The following ZNF727 variants were observed in gnomAD, a reference collection of about 807,000 sequenced individuals.
The protein encoded by ZNF727 is zinc finger protein 727.
ZNF727 carries 11 observed loss-of-function variants against 11.5 expected under a neutral mutation model. The observed-to-expected ratio is 0.95, with a 90% CI of 0.60 to 1.58. The LOEUF (loss-of-function observed/expected upper bound fraction) is 1.58, where lower values mean the gene tolerates loss of function less well. ZNF727 is among the 40% of genes most tolerant of loss of function. ZNF727 has a pLI of 0.00. For missense variants in ZNF727, 533 were observed against 581.7 expected, an observed-to-expected ratio of 0.92 and a Z score of 0.86; for synonymous variants, 171 against 196.1, an observed-to-expected ratio of 0.87 and a Z score of 1.07.
intron 1 of ZNF727, among the ~76,000 whole-genome samples, chr7:64,060,632 T>G (rs560007102): frequency 6.6e-6 from 1 of 152,332 alleles, no homozygotes; most frequent in South Asian, 2.1e-4. Flanking sequence ...TTTTGTAAAT[T>G]TTGTTTATCT....
chr7:64,083,762 C>T lies in ZNF727; in HGVS notation c.*5213C>T, dbSNP rs1419853786. 6.6e-6 allele frequency among the ~76,000 whole-genome samples: 1 copy of T among 152,066 alleles called. No individual in the cohort carries two copies. The highest frequency in any genetic ancestry group is 1.5e-5 in the Non-Finnish European group (1 of 68,014). On this transcript the variant is annotated 3_prime_UTR_variant, in exon 4 of 4. Transcript: ENST00000456806. ...TTGGCTCCATGTTGTTCCCTGGTGG[C>T]CCATTGTCCTGCCTTGCTTTACTCC...
At chr7:64,048,584 T>G (rs1789544782) in intron 1 of ZNF727, among the ~76,000 whole-genome samples, 2 of 152,226 alleles carry the variant, frequency 1.3e-5, no homozygotes, top group Non-Finnish European at 2.9e-5. Context: ...AATATTTATG[T>G]GTACACAATA....
intron 3 of ZNF727, among the ~76,000 whole-genome samples, chr7:64,076,162 A>G (rs1785653652): frequency 6.6e-6 from 1 of 152,158 alleles, no homozygotes; most frequent in African/African-American, 2.4e-5. Flanking sequence ...CAATATTCGG[A>G]CAGAAGTCAG....
In ZNF727 at chr7:64,074,623, A is replaced by G. The variant is rs145336494; in HGVS notation, c.227-2653A>G. On this transcript the variant is annotated intron_variant, in intron 3 of 3. Coordinates refer to ENST00000456806, the MANE Select transcript of ZNF727 (RefSeq NM_001159522.3). ...CTGCTTTATAATTTCCAGTCAACTG[A>G]TCATACAGAAAATGAAAGTGATAAC... 4.6e-3 allele frequency among the ~76,000 whole-genome samples: 702 copies of G among 152,298 alleles called. 5 individuals are homozygous for G. Among genetic ancestry groups the G allele is most frequent in the African/African-American group, 0.016 (674 of 41,582 alleles).
rs774882156 is a variant in ZNF727 at position 64,078,751 on chromosome 7, A to C, written c.*202A>C. On this transcript the variant is annotated 3_prime_UTR_variant, in exon 4 of 4. Coordinates refer to ENST00000456806, the MANE Select transcript of ZNF727 (RefSeq NM_001159522.3). The stretch of plus-strand genomic sequence containing the variant: ...GAAGAGAGACCTTACAAATGTGAAG[A>C]ATGCGGCAAAACCTGTGTTTCTCAG... 6.6e-6 allele frequency among the ~76,000 whole-genome samples: 1 copy of C among 152,154 alleles called. No homozygotes were observed. Among genetic ancestry groups the C allele is most frequent in the Non-Finnish European group, 1.5e-5 (1 of 67,980 alleles).
rs747964468 is a variant in ZNF727, at chr7:64,045,607, T to C, written c.-15T>C. ...GATCCATAGGGAAGAAGGCGGAACA[T>C]CCGGAGGCTGGGAAATGGTGAGTGC... On this transcript the variant is annotated 5_prime_UTR_variant, in exon 1 of 4. Coordinates refer to ENST00000456806, the MANE Select transcript of ZNF727 (RefSeq NM_001159522.3). 6 of 1,557,078 alleles carry C rather than the reference T, an allele frequency of 3.9e-6. No homozygotes were observed. The highest frequency in any genetic ancestry group is 5.2e-6 in the Non-Finnish European group (6 of 1,150,088).
chr7:64,076,914 T>G (rs565305115), intron 3 of ZNF727, among the ~76,000 whole-genome samples: 1 of 152,310 alleles, frequency 6.6e-6, no homozygotes, highest in East Asian at 1.9e-4. Context: ...CATGAACACA[T>G]GTACCACTGT....
intron 1 of ZNF727, among the ~76,000 whole-genome samples, chr7:64,062,118 A>C (rs1789781235): frequency 6.6e-6 from 1 of 152,252 alleles, no homozygotes; most frequent in South Asian, 2.1e-4. Context: ...AAGTAGAAAT[A>C]TAAGAGTTAT....
Position 64,083,338 on chromosome 7 carries a change from C to T in ZNF727, c.*4789C>T, listed in dbSNP as rs140373189. Reference sequence around the variant, plus strand: ...TGGTAGCTCCATCCCAGGGAGGTACCGTACTGCTACCAATGGTTGGCTGGA... The same window carrying T: ...TGGTAGCTCCATCCCAGGGAGGTACTGTACTGCTACCAATGGTTGGCTGGA... On this transcript the variant is annotated 3_prime_UTR_variant, in exon 4 of 4. Transcript: ENST00000456806. 4.8e-4 allele frequency among the ~76,000 whole-genome samples: 73 copies of T among 152,280 alleles called. 1 individual carries two copies. The East Asian group carries it at 9.7e-3, about 20-fold the overall frequency.
intron 1 of ZNF727, among the ~76,000 whole-genome samples, chr7:64,064,495 T>C (rs907289757): frequency 6.6e-6 from 1 of 152,084 alleles, no homozygotes; most frequent in African/African-American, 2.4e-5. Context: ...TTTACTCTTC[T>C]CTCCCCTTTC....
chr7:64,064,691 C>T (rs777527985), intron 1 of ZNF727, among the ~76,000 whole-genome samples: 31 of 152,068 alleles, frequency 2.0e-4, no homozygotes, highest in Non-Finnish European at 3.4e-4. Context: ...AGTGCTTTAG[C>T]CCATGTGATG....
intron 1 of ZNF727, among the ~76,000 whole-genome samples, chr7:64,050,208 A>T (rs760963976): frequency 5.9e-5 from 9 of 152,074 alleles, no homozygotes; most frequent in Non-Finnish European, 1.2e-4. Flanking sequence ...ATTCATGAAA[A>T]CTTATTTATC....
rs180703096 is a variant in ZNF727, at chr7:64,062,132, C to A, written c.4-6759C>A. ...AAAGTAGAAATATAAGAGTTATGGC[C>A]TTAAGGAGGTAGAGAAAGAGTTATT... On this transcript the variant is annotated intron_variant, in intron 1 of 3. Coordinates refer to ENST00000456806, the MANE Select transcript of ZNF727 (RefSeq NM_001159522.3). 2.2e-4 allele frequency among the ~76,000 whole-genome samples: 34 copies of A among 151,872 alleles called. 1 individual carries two copies. The highest frequency in any genetic ancestry group is 8.0e-4 in the African/African-American group (33 of 41,458).
At chr7:64,076,593 C>CA (rs199930757) in intron 3 of ZNF727, among the ~76,000 whole-genome samples, 10 of 149,056 alleles carry the variant, frequency 6.7e-5, no homozygotes, top group South Asian at 6.4e-4. Flanking sequence ...GAATTTGTCT[C>CA]AAAAAAAAAA....
intron 3 of ZNF727, among the ~76,000 whole-genome samples, chr7:64,073,720 C>A (rs1371714124): frequency 3.9e-5 from 6 of 152,132 alleles, no homozygotes; most frequent in African/African-American, 1.4e-4. Flanking sequence ...CAGTGCTTCA[C>A]AAACATGTTC....
intron 3 of ZNF727, among the ~76,000 whole-genome samples, chr7:64,073,296 C>T (rs576533186): frequency 9.5e-6 from 1 of 105,096 alleles, no homozygotes; most frequent in Admixed American, 1.0e-4. Flanking sequence ...TGATGTTTTT[C>T]AATTTTTTGT....
intron 1 of ZNF727, among the ~76,000 whole-genome samples, chr7:64,060,094 T>C (rs1182773019): frequency 6.6e-6 from 1 of 152,198 alleles, no homozygotes; most frequent in African/African-American, 2.4e-5. Flanking sequence ...TAGATAGGCT[T>C]CTCAATTAAT....
chr7:64,079,068 C>T lies in ZNF727; in HGVS notation c.*519C>T, dbSNP rs1230734663. Reference sequence around the variant, plus strand: ...AAGAGAATTCATATGGAAGAGGGACCTTACAAATGCGAAGAATGTGGCAAA... The same window carrying T: ...AAGAGAATTCATATGGAAGAGGGACTTTACAAATGCGAAGAATGTGGCAAA... On this transcript the variant is annotated 3_prime_UTR_variant, in exon 4 of 4. Coordinates refer to ENST00000456806, the MANE Select transcript of ZNF727 (RefSeq NM_001159522.3). 1.3e-5 allele frequency among the ~76,000 whole-genome samples: 2 copies of T among 152,020 alleles called. No homozygotes were observed. Among genetic ancestry groups the T allele is most frequent in the Non-Finnish European group, 2.9e-5 (2 of 67,986 alleles).
intron 3 of ZNF727, among the ~76,000 whole-genome samples, chr7:64,075,426 G>T (rs1790025295): frequency 6.6e-6 from 1 of 151,188 alleles, no homozygotes; most frequent in African/African-American, 2.4e-5. Context: ...TGTTATTGCT[G>T]TCACTATATA....
Sources: gnomAD v4.1 joint callset for allele counts (sites outside exome capture counted in the v4.1 genomes callset) on GRCh38, gnomAD v4.1.1 for gene constraint, MANE v1.5 for transcripts, NCBI Gene and HGNC (gene_info 2026-07-23, HGNC 2026-07-21) for gene names.